The following SNX24 variants were observed in gnomAD, a reference collection of about 807,000 sequenced individuals.
The protein encoded by SNX24 is sorting nexin-24.
Under a neutral mutation model 28.7 loss-of-function variants are expected in SNX24, and 22 were observed. The observed-to-expected ratio is 0.77, with a 90% CI of 0.55 to 1.10. The LOEUF is 1.10. SNX24 is among the 50% of genes least tolerant of loss of function. The pLI is 0.00. For synonymous variants in SNX24, 69 were observed against 71.5 expected (o/e 0.96, Z 0.18); for missense variants, 221 against 201.1 (o/e 1.10, Z -0.60).
rs951855151 is a variant in SNX24 at position 122,889,187 on chromosome 5, A to G, written c.60+43494A>G. 3.9e-5 allele frequency among the ~76,000 whole-genome samples: 6 copies of G among 152,120 alleles called. No homozygotes were observed. The South Asian group carries it at 1.2e-3, about 32-fold the overall frequency. On this transcript the variant is annotated intron_variant, in intron 1 of 6. Coordinates refer to ENST00000261369, the MANE Select transcript of SNX24 (RefSeq NM_014035.4). ...TTTTAAATAACTTTATTTTGAAATA[A>G]TTTTAAGTGTACCAGAAAGTTGCAA...
At chr5:123,023,807 AACACAC>A (rs70988555) in intron 5 of SNX24, 376 of 1,294,484 alleles carry the variant, frequency 2.9e-4, no homozygotes, top group Admixed American at 2.8e-3. Context: ...AAGACAACAC[AACACAC>A]ACACACACAC....
At chr5:122,910,233 G>A (rs952925853) in intron 1 of SNX24, among the ~76,000 whole-genome samples, 10 of 152,140 alleles carry the variant, frequency 6.6e-5, no homozygotes, top group African/African-American at 1.7e-4. Flanking sequence ...GTGTCAGGAC[G>A]TCTTGAGACC....
intron 1 of SNX24, among the ~76,000 whole-genome samples, chr5:122,927,587 A>G (rs1758758842): frequency 6.6e-6 from 1 of 152,208 alleles, no homozygotes; most frequent in South Asian, 2.1e-4. Context: ...TAAGACCTGA[A>G]AACCATGTCA....
chr5:122,996,668 A>G (rs371918130), intron 3 of SNX24, among the ~76,000 whole-genome samples: 6 of 152,320 alleles, frequency 3.9e-5, no homozygotes, highest in African/African-American at 1.4e-4. Context: ...AATCCTCACA[A>G]TAACCTAATT....
At chr5:123,023,699 T>C in intron 5 of SNX24, 1 of 1,028,412 alleles carries the variant, frequency 9.7e-7, no homozygotes, top group East Asian at 3.2e-5. Flanking sequence ...TTACTAAAGT[T>C]CAAGCAAACT....
At chr5:122,931,157 T>C (rs1433512742) in intron 1 of SNX24, among the ~76,000 whole-genome samples, 1 of 152,196 alleles carries the variant, frequency 6.6e-6, no homozygotes, top group Non-Finnish European at 1.5e-5. Flanking sequence ...GAAAAACGCT[T>C]CTTCCCCCCT....
At chr5:122,878,228 C>T (rs1409875569) in intron 1 of SNX24, among the ~76,000 whole-genome samples, 1 of 152,190 alleles carries the variant, frequency 6.6e-6, no homozygotes, top group African/African-American at 2.4e-5. Flanking sequence ...TCTTTCCTCC[C>T]TTCCAAGTGT....
chr5:123,002,099 G>T (rs1029480704), intron 6 of SNX24, 95 bp downstream of exon 6: 28 of 963,004 alleles, frequency 2.9e-5, no homozygotes, highest in Non-Finnish European at 4.7e-5. Context: ...GAGTGACATT[G>T]GTCCCGGGCT....
intron 1 of SNX24, among the ~76,000 whole-genome samples, chr5:122,889,075 A>G (rs1359857823): frequency 6.6e-6 from 1 of 151,906 alleles, no homozygotes. Context: ...CTAGTCTCGA[A>G]CTCCTGATCT....
At chr5:122,970,968 A>T (rs1263785958) in intron 3 of SNX24, among the ~76,000 whole-genome samples, 2 of 152,230 alleles carry the variant, frequency 1.3e-5, no homozygotes, top group Non-Finnish European at 2.9e-5. Flanking sequence ...AGATGTATGT[A>T]TGAAGAGCAG....
chr5:123,007,959 G>A lies in SNX24; in HGVS notation c.*210G>A. The stretch of plus-strand genomic sequence containing the variant: ...TGAACCGGGGCGGTGGTCAGGCTAA[G>A]GCCAAGTGTTTAAGAAGTAGAGTGT... On this transcript the variant is annotated 3_prime_UTR_variant, in exon 7 of 7. Coordinates refer to ENST00000261369, the MANE Select transcript of SNX24 (RefSeq NM_014035.4). 1 of 1,302,958 alleles carries A rather than the reference G, an allele frequency of 7.7e-7. No homozygotes were observed. Among genetic ancestry groups the A allele is most frequent in the Non-Finnish European group, 9.8e-7 (1 of 1,022,104 alleles). 80.7% of individuals were successfully genotyped at this position (1,302,958 alleles called of 1,614,324 possible). A position where few individuals can be genotyped will look rare whatever the true frequency, so the allele number is the denominator to read the frequency against.
downstream of SNX24, among the ~76,000 whole-genome samples, chr5:123,009,573 A>G (rs949639372): frequency 1.3e-5 from 2 of 152,216 alleles, no homozygotes; most frequent in Middle Eastern, 3.2e-3. Flanking sequence ...ACATCATAAG[A>G]TTTGCAGGAG....
downstream of SNX24, among the ~76,000 whole-genome samples, chr5:123,010,392 G>C (rs916520030): frequency 2.0e-5 from 3 of 151,908 alleles, no homozygotes; most frequent in South Asian, 2.1e-4. Context: ...CTGGGTTCAA[G>C]CATTCTCTGC....
intron 3 of SNX24, among the ~76,000 whole-genome samples, chr5:122,967,983 G>C (rs1272414257): frequency 6.6e-6 from 1 of 152,214 alleles, no homozygotes; most frequent in Non-Finnish European, 1.5e-5. Context: ...ACTTTTGAAA[G>C]AAAACAAATC....
chr5:123,013,550 C>T (rs1383722862), downstream of SNX24, among the ~76,000 whole-genome samples: 3 of 152,172 alleles, frequency 2.0e-5, no homozygotes, highest in Non-Finnish European at 4.4e-5. Context: ...AGACTGGATT[C>T]TGATGAGGGT....
In SNX24 at chr5:122,956,332, A is replaced by G. The variant is rs571064442; in HGVS notation, c.249+10173A>G. ...TCCATCTGCTGTAATTTGTAAAAAT[A>G]AAACCTTTAAAACACTTGGGAAAAA... is the stretch of plus-strand genomic sequence containing the variant. On this transcript the variant is annotated intron_variant, in intron 3 of 6. Transcript: ENST00000261369. 4.8e-4 allele frequency among the ~76,000 whole-genome samples: 59 copies of G among 122,984 alleles called. No individual in the cohort carries two copies. The South Asian group carries it at 0.015, about 31-fold the overall frequency. 80.7% of individuals were successfully genotyped at this position (122,984 alleles called of 152,430 possible).
Position 122,900,190 on chromosome 5 carries a change from C to T in SNX24, c.61-36544C>T, listed in dbSNP as rs991457649. On this transcript the variant is annotated intron_variant, in intron 1 of 6. Transcript: ENST00000261369. ...GTGTGCTACCACACCCACCCAGCTA[C>T]TTTTTTTTTTTGAGATGAGGTCTCA... 4.0e-5 allele frequency among the ~76,000 whole-genome samples: 6 copies of T among 148,372 alleles called. No individual in the cohort carries two copies. In the South Asian group the frequency reaches 6.4e-4, roughly 16 times the overall value.
chr5:122,862,259 A>T (rs1755494002), intron 1 of SNX24, among the ~76,000 whole-genome samples: 1 of 151,992 alleles, frequency 6.6e-6, no homozygotes, highest in Admixed American at 6.6e-5. Flanking sequence ...ATGAGTAGGG[A>T]GTGGTTTTTT....
chr5:122,891,022 C>T (rs57305697), intron 1 of SNX24: 8 of 1,482,826 alleles, frequency 5.4e-6, no homozygotes, highest in Non-Finnish European at 7.2e-6. Context: ...TGTCTTACCT[C>T]TCAGGTGGTA....
Sources: gnomAD v4.1 joint callset for allele counts (sites outside exome capture counted in the v4.1 genomes callset) on GRCh38, gnomAD v4.1.1 for gene constraint, MANE v1.5 for transcripts, NCBI Gene and HGNC (gene_info 2026-07-23, HGNC 2026-07-21) for gene names.